The following CCSER1 variants were observed in gnomAD, a reference collection of about 807,000 sequenced individuals.
The protein encoded by CCSER1 is serine-rich coiled-coil domain-containing protein 1.
A neutral mutation model predicts 82.0 loss-of-function variants in CCSER1; 41 were observed. That is an observed-to-expected ratio of 0.50 (90% confidence interval 0.39 to 0.65). The LOEUF (loss-of-function observed/expected upper bound fraction) is 0.65, where lower values mean the gene tolerates loss of function less well. Among genes scored for constraint, CCSER1 ranks in the 30% least tolerant of loss-of-function variants. The pLI, the probability that CCSER1 is intolerant of heterozygous loss-of-function variation, is 0.00. For missense variants in CCSER1, 1,119 were observed against 1,064.2 expected, an observed-to-expected ratio of 1.05 and a Z score of -0.72; for synonymous variants, 414 against 383.9, an observed-to-expected ratio of 1.08 and a Z score of -0.92.
At chr4:91,244,145 T>G (rs1416553432) in intron 10 of CCSER1, among the ~76,000 whole-genome samples, 1 of 152,136 alleles carries the variant, frequency 6.6e-6, no homozygotes, top group Non-Finnish European at 1.5e-5. Flanking sequence ...CATGGAGTGG[T>G]TTTGGTGATG....
chr4:90,230,725 C>T (rs1217277414), intron 1 of CCSER1, among the ~76,000 whole-genome samples: 3 of 150,260 alleles, frequency 2.0e-5, no homozygotes, highest in East Asian at 3.9e-4. Flanking sequence ...AGACCGCTAG[C>T]AAGACTAATA....
At chr4:91,025,048 ATAATT>A (rs1429435076) in intron 9 of CCSER1, among the ~76,000 whole-genome samples, 1 of 152,190 alleles carries the variant, frequency 6.6e-6, no homozygotes. Context: ...TTAAGAGTGA[ATAATT>A]TTGTTTAAGG....
intron 6 of CCSER1, among the ~76,000 whole-genome samples, chr4:90,698,248 A>T (rs1215862806): frequency 6.6e-6 from 1 of 152,152 alleles, no homozygotes; most frequent in African/African-American, 2.4e-5. Flanking sequence ...AGGATACTGA[A>T]TGCAAGCCTA....
intron 10 of CCSER1, among the ~76,000 whole-genome samples, chr4:91,252,035 T>C (rs1369410865): frequency 1.3e-5 from 2 of 152,168 alleles, no homozygotes; most frequent in African/African-American, 4.8e-5. Context: ...ATACACATTA[T>C]AATCAAACTT....
At chr4:91,465,883 T>G (rs1756869847) in intron 10 of CCSER1, among the ~76,000 whole-genome samples, 2 of 151,984 alleles carry the variant, frequency 1.3e-5, no homozygotes, top group Non-Finnish European at 2.9e-5. Context: ...CCAAAAAAAG[T>G]CCAGGACCAG....
chr4:91,316,278 G>T (rs540678431), intron 10 of CCSER1, among the ~76,000 whole-genome samples: 10 of 152,028 alleles, frequency 6.6e-5, no homozygotes, highest in Admixed American at 5.9e-4. Context: ...GTTTATGAGG[G>T]TCATTTATAT....
chr4:90,265,261 T>G (rs1273444494), intron 1 of CCSER1, among the ~76,000 whole-genome samples: 1 of 151,862 alleles, frequency 6.6e-6, no homozygotes, highest in African/African-American at 2.4e-5. Context: ...TGTATTTTTA[T>G]GGCAAAAATG....
chr4:90,409,042 A>G (rs1754227846), intron 4 of CCSER1, among the ~76,000 whole-genome samples: 1 of 152,176 alleles, frequency 6.6e-6, no homozygotes, highest in Non-Finnish European at 1.5e-5. Flanking sequence ...GATGGAAGAC[A>G]AAATGAATGA....
chr4:91,496,101 A>G (rs938606918), intron 10 of CCSER1, among the ~76,000 whole-genome samples: 3 of 151,604 alleles, frequency 2.0e-5, no homozygotes, highest in African/African-American at 7.2e-5. Flanking sequence ...AGTTCCTGAG[A>G]ATCTCTAAGT....
intron 3 of CCSER1, among the ~76,000 whole-genome samples, chr4:90,366,190 G>A (rs994156563): frequency 6.6e-6 from 1 of 151,884 alleles, no homozygotes. Flanking sequence ...ATTAGTCATT[G>A]CATTTATAAA....
At chr4:91,015,611 T>G (rs1365762729) in intron 9 of CCSER1, 1 of 151,882 alleles carries the variant, frequency 6.6e-6, no homozygotes, top group East Asian at 1.9e-4. Flanking sequence ...GTAAATTAAT[T>G]TTTATGTTTG....
At chr4:91,261,445 G>C (rs1338528395) in intron 10 of CCSER1, among the ~76,000 whole-genome samples, 1 of 152,096 alleles carries the variant, frequency 6.6e-6, no homozygotes, top group Non-Finnish European at 1.5e-5. Context: ...CTTCTAACTA[G>C]ACTAGTTGTC....
chr4:90,996,354 C>A (rs942624320), intron 9 of CCSER1, among the ~76,000 whole-genome samples: 1 of 152,052 alleles, frequency 6.6e-6, no homozygotes, highest in African/African-American at 2.4e-5. Context: ...CTGGGCTATA[C>A]ATTTTATAAA....
At chr4:90,987,992 C>T (rs1736707635) in intron 9 of CCSER1, among the ~76,000 whole-genome samples, 1 of 151,484 alleles carries the variant, frequency 6.6e-6, no homozygotes, top group East Asian at 2.0e-4. Flanking sequence ...AAAGTCAGAA[C>T]TAAAATCCGC....
At chr4:91,199,230 G>A (rs896359095) in intron 10 of CCSER1, among the ~76,000 whole-genome samples, 5 of 151,982 alleles carry the variant, frequency 3.3e-5, no homozygotes, top group Non-Finnish European at 5.9e-5. Context: ...AATGAAAGTC[G>A]CATAGATACT....
At chr4:91,113,913 C>T (rs549595693) in intron 10 of CCSER1, among the ~76,000 whole-genome samples, 8 of 151,128 alleles carry the variant, frequency 5.3e-5, no homozygotes, top group South Asian at 2.1e-4. Flanking sequence ...AGTGCAGTGG[C>T]GCGATCTCGG....
At position 90,819,042 on chromosome 4, in the gene CCSER1, A is replaced by C. The variant is rs142242183; in HGVS notation, c.2094+3197A>C. Among the ~76,000 whole-genome samples the C allele has an allele frequency of 4.5e-4, 68 of 152,310 alleles. 1 individual carries two copies. The East Asian group carries it at 0.011, about 25-fold the overall frequency. On this transcript the variant is annotated intron_variant, in intron 8 of 10. Transcript: ENST00000509176. ...ATTTGTCAGATTTCTGGAGGATAGA[A>C]GTCTGAGATCCGGTGCCAGAGTGTT...
intron 3 of CCSER1, among the ~76,000 whole-genome samples, chr4:90,339,863 C>A (rs888659102): frequency 6.6e-5 from 10 of 151,442 alleles, no homozygotes; most frequent in Non-Finnish European, 4.4e-5. Context: ...GAGGCTCACC[C>A]AATACTGGAG....
intron 9 of CCSER1, among the ~76,000 whole-genome samples, chr4:90,941,008 A>T (rs1456972433): frequency 6.6e-6 from 1 of 152,126 alleles, no homozygotes; most frequent in African/African-American, 2.4e-5. Context: ...TGTATACATA[A>T]TATTACTAAG....
Sources: gnomAD v4.1 joint callset for allele counts (sites outside exome capture counted in the v4.1 genomes callset) on GRCh38, gnomAD v4.1.1 for gene constraint, MANE v1.5 for transcripts, NCBI Gene and HGNC (gene_info 2026-07-23, HGNC 2026-07-21) for gene names.